The following LRIG1 variants were observed in gnomAD, a reference collection of about 807,000 sequenced individuals.
The protein encoded by LRIG1 is leucine-rich repeats and immunoglobulin-like domains protein 1.
LRIG1 carries 48 observed loss-of-function variants against 99.2 expected under a neutral mutation model. That is an observed-to-expected ratio of 0.48 (90% CI 0.38 to 0.62). LRIG1 has a LOEUF of 0.62. Among genes scored for constraint, LRIG1 ranks in the 20% least tolerant of loss-of-function variants. The probability of loss-of-function intolerance (pLI) is 0.00; values close to 1 mark genes in which losing one functional copy is unlikely to be tolerated. For synonymous variants in LRIG1, 772 were observed against 596.1 expected, an observed-to-expected ratio of 1.29 and a Z score of -4.30; for missense variants, 1,646 against 1,434.4, an observed-to-expected ratio of 1.15 and a Z score of -2.38.
At chr3:66,408,014 C>A (rs555580539) in intron 7 of LRIG1, among the ~76,000 whole-genome samples, 2 of 152,336 alleles carry the variant, frequency 1.3e-5, no homozygotes, top group East Asian at 3.9e-4. Flanking sequence ...TCCCCCAGGG[C>A]AGGAGGCTCC....
intron 3 of LRIG1, among the ~76,000 whole-genome samples, chr3:66,442,037 T>A (rs933686374): frequency 2.0e-5 from 3 of 152,194 alleles, no homozygotes; most frequent in Admixed American, 2.0e-4. Flanking sequence ...ACGGTCACTA[T>A]TTTTTCTTCT....
intron 1 of LRIG1, among the ~76,000 whole-genome samples, chr3:66,478,978 T>A (rs1010632623): frequency 7.2e-5 from 11 of 152,132 alleles, no homozygotes; most frequent in African/African-American, 2.7e-4. Flanking sequence ...CCCTTTCCCA[T>A]TAAAAGCCAC....
chr3:66,452,359 C>T (rs1220491981), intron 2 of LRIG1, among the ~76,000 whole-genome samples: 2 of 152,220 alleles, frequency 1.3e-5, no homozygotes, highest in East Asian at 3.9e-4. Context: ...AACCCACGAA[C>T]CAAAGCACGG....
chr3:66,440,332 C>A (rs897202398), intron 3 of LRIG1, among the ~76,000 whole-genome samples: 3 of 152,132 alleles, frequency 2.0e-5, no homozygotes, highest in African/African-American at 7.2e-5. Flanking sequence ...GTGAGAGCCA[C>A]CGCTTAAACA....
intron 8 of LRIG1, chr3:66,406,218 A>C: frequency 1.0e-6 from 1 of 985,400 alleles, no homozygotes; most frequent in Non-Finnish European, 1.2e-6. Flanking sequence ...AATAGTGGAG[A>C]TTCTGCTGCT....
intron 3 of LRIG1, among the ~76,000 whole-genome samples, chr3:66,435,389 T>G (rs1037224236): frequency 4.0e-5 from 6 of 150,586 alleles, no homozygotes; most frequent in African/African-American, 1.5e-4. Flanking sequence ...TGAAACCCCA[T>G]CTCTACTAAA....
chr3:66,405,254 C>G lies in LRIG1; in HGVS notation c.1104G>C (p.Ser368=). ...RVLDLDHNEI[S]GTIEDTSGAF... ...CGCCGCTCGTGTCCTCTATTGTGCC[C>G]GAAATCTCGTTATGGTCCAGATCCC... The change falls in exon 9 of 19, where the codon TCG becomes TCC. Residue 368 remains serine (S), a synonymous_variant. Coordinates refer to ENST00000273261, the MANE Select transcript of LRIG1 (RefSeq NM_015541.3). 6.2e-7 allele frequency: 1 copy of G among 1,614,130 alleles called. No individual in the cohort carries two copies. Among genetic ancestry groups the G allele is most frequent in the Non-Finnish European group, 8.5e-7 (1 of 1,180,004 alleles).
At chr3:66,439,106 C>A (rs939243705) in intron 3 of LRIG1, among the ~76,000 whole-genome samples, 59 of 152,170 alleles carry the variant, frequency 3.9e-4, no homozygotes, top group Admixed American at 2.8e-3. Flanking sequence ...CAGCCTAGCC[C>A]GTGAGGAAAG....
At chr3:66,466,732 GAT>G (rs1700481032) in intron 1 of LRIG1, among the ~76,000 whole-genome samples, 1 of 152,096 alleles carries the variant, frequency 6.6e-6, no homozygotes, top group Non-Finnish European at 1.5e-5. Context: ...CTATGAACAC[GAT>G]CGCCCTGTAC....
chr3:66,436,069 A>G (rs1014687096), intron 3 of LRIG1, among the ~76,000 whole-genome samples: 1 of 152,166 alleles, frequency 6.6e-6, no homozygotes, highest in Non-Finnish European at 1.5e-5. Flanking sequence ...ACTTCCCATC[A>G]TTTAGGAAAG....
rs938645305 is a variant in LRIG1, at chr3:66,478,847, G to A, written c.219-16338C>T. On this transcript the variant is annotated intron_variant, in intron 1 of 18. Coordinates refer to ENST00000273261, the MANE Select transcript of LRIG1 (RefSeq NM_015541.3). ...AGTAAGAAATTAAAAACAAAACTCAGAAAACCTGACCCTCTACCCCCAGAG... is the reference window on the plus strand; with the variant it reads ...AGTAAGAAATTAAAAACAAAACTCAAAAAACCTGACCCTCTACCCCCAGAG... Among the ~76,000 whole-genome samples, 29 of 151,986 alleles carry A rather than the reference G, an allele frequency of 1.9e-4. 1 individual carries two copies. The highest frequency in any genetic ancestry group is 3.9e-4 in the Admixed American group (6 of 15,260).
At chr3:66,448,516 G>A (rs1315597959) in intron 3 of LRIG1, among the ~76,000 whole-genome samples, 1 of 151,626 alleles carries the variant, frequency 6.6e-6, no homozygotes, top group Non-Finnish European at 1.5e-5. Flanking sequence ...CAACTTTCGG[G>A]TCACAAAGAG....
At chr3:66,463,354 G>C (rs955167037) in intron 1 of LRIG1, among the ~76,000 whole-genome samples, 1 of 152,176 alleles carries the variant, frequency 6.6e-6, no homozygotes, top group African/African-American at 2.4e-5. Context: ...GCCAGTTGCT[G>C]GAAATTCTTG....
intron 4 of LRIG1, 123 bp downstream of exon 4, chr3:66,417,006 G>T: frequency 7.6e-7 from 1 of 1,322,956 alleles, no homozygotes; most frequent in Non-Finnish European, 1.1e-6. Context: ...CCACTGACTC[G>T]GCCCAGCCGT....
At chr3:66,493,828 GA>G (rs1222528665) in intron 1 of LRIG1, among the ~76,000 whole-genome samples, 5 of 75,106 alleles carry the variant, frequency 6.7e-5, no homozygotes, top group Non-Finnish European at 7.6e-5. Context: ...AGGAAAGAAA[GA>G]AAAAAAAGAG....
chr3:66,405,401 G>C, intron 8 of LRIG1, 123 bp from the exon 9 acceptor site: 1 of 756,012 alleles, frequency 1.3e-6, no homozygotes. Flanking sequence ...AGGCACAGCC[G>C]GGACGTAGGG....
At chr3:66,393,958 G>T in intron 12 of LRIG1, 82 bp downstream of exon 12, 1 of 1,452,648 alleles carries the variant, frequency 6.9e-7, no homozygotes. Context: ...TCTGATCACA[G>T]GAATTACTCC....
At chr3:66,494,973 G>C (rs1360012570) in intron 1 of LRIG1, among the ~76,000 whole-genome samples, 2 of 152,182 alleles carry the variant, frequency 1.3e-5, no homozygotes, top group Non-Finnish European at 2.9e-5. Context: ...CATAAATGCA[G>C]GTCCCAGAGG....
chr3:66,401,621 G>C (rs1470375130), intron 9 of LRIG1: 1 of 1,526,948 alleles, frequency 6.5e-7, no homozygotes, highest in Non-Finnish European at 8.8e-7. Context: ...TCCCCCAGCA[G>C]ACATATGGGG....
Sources: gnomAD v4.1 joint callset for allele counts (sites outside exome capture counted in the v4.1 genomes callset) on GRCh38, gnomAD v4.1.1 for gene constraint, MANE v1.5 for transcripts, NCBI Gene and HGNC (gene_info 2026-07-23, HGNC 2026-07-21) for gene names.